SNX29: variants seen among roughly 807,000 people sequenced by gnomAD.
The protein encoded by SNX29 is sorting nexin-29.
SNX29 carries 78 observed loss-of-function variants against 102.1 expected under a neutral mutation model. That is an observed-to-expected ratio of 0.76 (90% CI 0.64 to 0.92). SNX29 has a LOEUF of 0.92. Ranked by LOEUF, SNX29 falls within the 40% of genes least tolerant of loss-of-function variation. The pLI, the probability that SNX29 is intolerant of heterozygous loss-of-function variation, is 0.00. For synonymous variants in SNX29, 580 were observed against 414.5 expected (o/e 1.40, Z -4.85); for missense variants, 1,280 against 1,061.7 (o/e 1.21, Z -2.86).
chr16:12,253,560 C>T (rs936684940), intron 14 of SNX29, among the ~76,000 whole-genome samples: 1 of 152,002 alleles, frequency 6.6e-6, no homozygotes, highest in Non-Finnish European at 1.5e-5. Flanking sequence ...CACAGAGTTG[C>T]CAAGGGGGCA....
chr16:12,227,789 A>G (rs830720), intron 14 of SNX29, among the ~76,000 whole-genome samples: 64,170 of 150,626 alleles, frequency 0.43, 16,174 homozygotes, highest in Non-Finnish European at 0.57. Context: ...AATCCCAGCT[A>G]CTCGGGAGGC....
intron 9 of SNX29, among the ~76,000 whole-genome samples, chr16:12,063,289 G>C (rs2050856558): frequency 1.3e-5 from 2 of 150,928 alleles, no homozygotes; most frequent in African/African-American, 4.9e-5. Context: ...GACTTGGTGG[G>C]GTGCTGTCAT....
chr16:12,472,510 C>G (rs2087395384), intron 18 of SNX29, among the ~76,000 whole-genome samples: 1 of 110,420 alleles, frequency 9.1e-6, no homozygotes. Context: ...CAGAGCGAGT[C>G]TAAATCTCAA....
At chr16:12,196,238 T>A (rs1292604322) in intron 13 of SNX29, among the ~76,000 whole-genome samples, 2 of 151,966 alleles carry the variant, frequency 1.3e-5, no homozygotes, top group Non-Finnish European at 2.9e-5. Context: ...CCCAGGTGGG[T>A]AGCATGAGCC....
At chr16:12,550,331 G>A (rs974887466) in intron 20 of SNX29, among the ~76,000 whole-genome samples, 2 of 152,134 alleles carry the variant, frequency 1.3e-5, no homozygotes, top group Non-Finnish European at 2.9e-5. Context: ...GAGGTCGAGT[G>A]TGAGACCAGC....
At chr16:12,278,474 GA>G (rs201964056) in intron 15 of SNX29, among the ~76,000 whole-genome samples, 7 of 145,018 alleles carry the variant, frequency 4.8e-5, no homozygotes, top group East Asian at 2.0e-4. Flanking sequence ...CAAAAGAAAA[GA>G]AAAAAAAAAC....
chr16:12,391,439 G>A (rs1974905), intron 16 of SNX29, among the ~76,000 whole-genome samples: 79,813 of 152,002 alleles, frequency 0.53, 22,007 homozygotes, highest in Non-Finnish European at 0.61. Context: ...GAGAGTAGAA[G>A]GATAATTCAG....
At chr16:12,335,909 T>C (rs2151233668) in intron 15 of SNX29, among the ~76,000 whole-genome samples, 1 of 151,892 alleles carries the variant, frequency 6.6e-6, no homozygotes, top group South Asian at 2.1e-4. Context: ...ACTGGCAGGA[T>C]CAGGATTTGA....
chr16:12,131,979 C>G (rs751389089), intron 13 of SNX29, among the ~76,000 whole-genome samples: 5 of 152,172 alleles, frequency 3.3e-5, no homozygotes, highest in Non-Finnish European at 5.9e-5. Context: ...CCTGGACCAC[C>G]CTTTTGCCTG....
At position 12,299,779 on chromosome 16, in the gene SNX29, ATTTT is replaced by A. The variant is rs61233917; in HGVS notation, c.1782+21759_1782+21762del. On this transcript the variant is annotated intron_variant, in intron 15 of 20. Transcript: ENST00000566228. ...TAGATACTTCTAATTCAAATTTCGAATTTTTTTTTTTTTTTTTTTACTTAACTAC... is the reference window on the plus strand; with the variant it reads ...TAGATACTTCTAATTCAAATTTCGAATTTTTTTTTTTTTTTACTTAACTAC... Among the ~76,000 whole-genome samples the A allele has an allele frequency of 2.9e-3, 375 of 131,306 alleles. 3 individuals are homozygous for A. Among genetic ancestry groups the A allele is most frequent in the African/African-American group, 9.6e-3 (346 of 36,204 alleles). 86.1% of individuals were successfully genotyped at this position (131,306 alleles called of 152,430 possible).
At chr16:12,097,841 G>A (rs917784861) in intron 11 of SNX29, among the ~76,000 whole-genome samples, 2 of 152,320 alleles carry the variant, frequency 1.3e-5, no homozygotes, top group Admixed American at 6.5e-5. Context: ...TGTTTGAGCT[G>A]GGACAGCTCA....
At chr16:12,142,684 C>G (rs573409088) in intron 13 of SNX29, among the ~76,000 whole-genome samples, 69 of 151,970 alleles carry the variant, frequency 4.5e-4, no homozygotes, top group African/African-American at 1.5e-3. Context: ...CCTGCTCAGC[C>G]TCCCAAGTAG....
chr16:12,487,552 G>GCAC (rs2088309349), intron 19 of SNX29, among the ~76,000 whole-genome samples: 1 of 152,066 alleles, frequency 6.6e-6, no homozygotes, highest in South Asian at 2.1e-4. Context: ...AAATGCCGCC[G>GCAC]CACCACCCAG....
chr16:12,028,517 C>G (rs905312460), intron 4 of SNX29, among the ~76,000 whole-genome samples: 5 of 152,080 alleles, frequency 3.3e-5, no homozygotes, highest in Admixed American at 6.6e-5. Flanking sequence ...GCTTGCACCA[C>G]CATGCCCGGC....
intron 9 of SNX29, among the ~76,000 whole-genome samples, chr16:12,064,895 C>T (rs1164700055): frequency 2.0e-5 from 3 of 152,226 alleles, no homozygotes; most frequent in Non-Finnish European, 2.9e-5. Flanking sequence ...ATTCTGGAGC[C>T]ACTTCGTCTT....
intron 20 of SNX29, among the ~76,000 whole-genome samples, chr16:12,537,194 C>T (rs962068043): frequency 6.6e-6 from 1 of 152,130 alleles, no homozygotes; most frequent in Non-Finnish European, 1.5e-5. Context: ...CTGGCCAGCC[C>T]CTAAATTGCT....
At chr16:12,199,359 T>C (rs560235422) in intron 13 of SNX29, among the ~76,000 whole-genome samples, 1 of 152,314 alleles carries the variant, frequency 6.6e-6, no homozygotes, top group African/African-American at 2.4e-5. Flanking sequence ...TTGTGGACAC[T>C]GGAACCGATT....
chr16:12,458,952 T>C (rs1017173497), intron 18 of SNX29, among the ~76,000 whole-genome samples: 2 of 152,210 alleles, frequency 1.3e-5, no homozygotes, highest in Non-Finnish European at 2.9e-5. Context: ...TTTTTTGCCT[T>C]ATATAAGTAA....
chr16:12,552,958 G>A (rs950591909), intron 20 of SNX29, among the ~76,000 whole-genome samples: 4 of 152,238 alleles, frequency 2.6e-5, no homozygotes, highest in Admixed American at 1.3e-4. Flanking sequence ...TCAGGAACAT[G>A]GATTGTATTG....
Sources: allele counts gnomAD v4.1 joint callset (sites outside exome capture counted in the v4.1 genomes callset), GRCh38; gene constraint gnomAD v4.1.1; transcripts MANE v1.5; gene names NCBI Gene and HGNC (gene_info 2026-07-23, HGNC 2026-07-21).